Variants in SLC23A2 observed in about 807,000 individuals in gnomAD.
SLC23A2 encodes Na(+)/L-ascorbic acid transporter 2.
A neutral mutation model predicts 73.3 loss-of-function variants in SLC23A2; 36 were observed. The observed-to-expected ratio is 0.49, with a 90% CI of 0.38 to 0.65. The LOEUF (loss-of-function observed/expected upper bound fraction) is 0.65, where lower values mean the gene tolerates loss of function less well. SLC23A2 is among the 30% of genes least tolerant of loss of function. The pLI, the probability that SLC23A2 is intolerant of heterozygous loss-of-function variation, is 0.00. For missense variants in SLC23A2, 507 were observed against 841.6 expected (o/e 0.60, Z 4.92); for synonymous variants, 343 against 327.3 (o/e 1.05, Z -0.52).
In SLC23A2 at chr20:4,899,612, C is replaced by T. The variant is rs1243543328; in HGVS notation, c.425G>A (p.Gly142Glu). The stretch of plus-strand genomic sequence containing the variant: ...GATTCCCACACAGAAGAAAATGGTC[C>T]CAATGAGCTGGCTGGTGGCCCACTG... ...YDQWATSQLI[G>E]TIFFCVGITT... Residue 142 changes from glycine to glutamate, a missense_variant, in exon 6 of 17, where the codon GGG becomes GAG. Around this residue, in one of 5 missense-constraint regions of SLC23A2, gnomAD observed 217 missense variants for 398.0 expected, o/e 0.55. Transcript: ENST00000338244. This position sits in a 1 kb window ranked among gnomAD's most constrained non-coding sequence, Gnocchi z 4.9. 1 of 1,614,024 alleles carries T rather than the reference C, an allele frequency of 6.2e-7. No individual in the cohort carries two copies. The highest frequency in any genetic ancestry group is 8.5e-7 in the Non-Finnish European group (1 of 1,180,030).
intron 4 of SLC23A2, among the ~76,000 whole-genome samples, chr20:4,904,558 A>G (rs1255955292): frequency 6.6e-6 from 1 of 152,202 alleles, no homozygotes; most frequent in Non-Finnish European, 1.5e-5. Context: ...GAACTTCTGA[A>G]CTGAGGGCAC....
At chr20:4,882,670 G>A (rs998785384) in intron 9 of SLC23A2, among the ~76,000 whole-genome samples, 5 of 152,126 alleles carry the variant, frequency 3.3e-5, no homozygotes, top group African/African-American at 7.2e-5. Flanking sequence ...ATCACATTAC[G>A]TCGTGGTGCT....
intron 2 of SLC23A2, among the ~76,000 whole-genome samples, chr20:4,968,495 T>G (rs2087510287): frequency 6.6e-6 from 1 of 152,006 alleles, no homozygotes; most frequent in Non-Finnish European, 1.5e-5. Flanking sequence ...CAGGATAATC[T>G]CAAAATGGGG....
chr20:4,966,809 TACACAC>T (rs56931121), intron 2 of SLC23A2, among the ~76,000 whole-genome samples: 4,882 of 109,624 alleles, frequency 0.045, 138 homozygotes, highest in African/African-American at 0.089. Flanking sequence ...TTGATAGTTT[TACACAC>T]ACACACACAC....
rs552681730 is a variant in SLC23A2 at position 4,902,346 on chromosome 20, A to G, written c.324+96T>C. On this transcript the variant is annotated intron_variant, in intron 5 of 16. Transcript: ENST00000338244. This position sits in a 1 kb window ranked among gnomAD's most constrained non-coding sequence, Gnocchi z 4.0. ...AAAGAGGAATTTATAAAAGTCTTCA[A>G]TAAACAAAAACCAAAGTGGAATTTT... 99 of 721,330 alleles carry G rather than the reference A, an allele frequency of 1.4e-4. No homozygotes were observed. The African/African-American group carries it at 1.6e-3, about 12-fold the overall frequency. 44.7% of individuals were successfully genotyped at this position (721,330 alleles called of 1,614,324 possible). A position where few individuals can be genotyped will look rare whatever the true frequency, so the allele number is the denominator to read the frequency against.
chr20:4,859,429 G>T, intron 15 of SLC23A2, 45 bp from the exon 16 acceptor site: 2 of 1,307,708 alleles, frequency 1.5e-6, no homozygotes, highest in Non-Finnish European at 2.2e-6. Flanking sequence ...CACAGCAGCG[G>T]TGAGCCTGCC....
chr20:4,897,453 A>G (rs940318880), intron 6 of SLC23A2, among the ~76,000 whole-genome samples: 2 of 152,126 alleles, frequency 1.3e-5, no homozygotes, highest in Non-Finnish European at 2.9e-5. Flanking sequence ...CACAGCAAGA[A>G]AGGCTGCTTT....
intron 2 of SLC23A2, among the ~76,000 whole-genome samples, chr20:4,934,309 T>C (rs2086925749): frequency 6.6e-6 from 1 of 152,056 alleles, no homozygotes; most frequent in South Asian, 2.1e-4. Flanking sequence ...ATCTAGTAAA[T>C]AGAGGCCAGG....
At chr20:4,893,460 C>T (rs189701802) in intron 6 of SLC23A2, among the ~76,000 whole-genome samples, 16 of 152,286 alleles carry the variant, frequency 1.1e-4, no homozygotes, top group Non-Finnish European at 1.5e-5. Context: ...CTCCCTTGCC[C>T]CAATCTGATC....
At chr20:5,004,869 C>T (rs1361233948), upstream of SLC23A2, among the ~76,000 whole-genome samples, 1 of 151,872 alleles carries the variant, frequency 6.6e-6, no homozygotes, top group Non-Finnish European at 1.5e-5. Context: ...CATGGTGGCG[C>T]ATGCCTGTAA....
intron 11 of SLC23A2, 44 bp from the exon 12 acceptor site, chr20:4,870,097 G>T (rs752095811): frequency 6.6e-7 from 1 of 1,520,700 alleles, no homozygotes; most frequent in Admixed American, 2.0e-5. Flanking sequence ...AGAGGCAGGC[G>T]AAAGTGACCA....
At chr20:5,007,917 T>TC (rs2088208567) in intron 1 of SLC23A2, among the ~76,000 whole-genome samples, 1 of 152,074 alleles carries the variant, frequency 6.6e-6, no homozygotes, top group Non-Finnish European at 1.5e-5. Context: ...AATTAACTTT[T>TC]TTTTTTTTTG....
chr20:4,859,851 G>C (rs1243252421), intron 15 of SLC23A2, among the ~76,000 whole-genome samples: 1 of 152,098 alleles, frequency 6.6e-6, no homozygotes, highest in African/African-American at 2.4e-5. Flanking sequence ...TTTTAATCAG[G>C]GGCAACTGGA....
rs780803712 is a variant in SLC23A2, at chr20:4,869,932, T to C, written c.1224A>G (p.Pro408=). The change falls in exon 12 of 17, where the codon CCA becomes CCG. Residue 408 remains proline (P), a synonymous_variant. Transcript: ENST00000338244. Reference sequence around the variant, plus strand: ...TGTTTATTGCGTGGATGGGGGGGGGTGGGGCACAGGACAGCCGTGCACAGG... The same window carrying C: ...TGTTTATTGCGTGGATGGGGGGGGGCGGGGCACAGGACAGCCGTGCACAGG... ...YYACARLSCA[P]PPPIHAINRG... is the part of the protein sequence containing the mutation. 7.5e-7 allele frequency: 1 copy of C among 1,329,624 alleles called. No individual in the cohort carries two copies. The highest frequency in any genetic ancestry group is 2.7e-5 in the East Asian group (1 of 36,830). 82.4% of individuals were successfully genotyped at this position (1,329,624 alleles called of 1,614,324 possible). A position where few individuals can be genotyped will look rare whatever the true frequency, so the allele number is the denominator to read the frequency against.
chr20:4,986,021 C>T (rs190749715), intron 1 of SLC23A2, among the ~76,000 whole-genome samples: 1 of 152,314 alleles, frequency 6.6e-6, no homozygotes, highest in Admixed American at 6.5e-5. Context: ...GCCATGCCCA[C>T]AGAATCTCGT....
At chr20:4,967,893 A>G (rs1435176129) in intron 2 of SLC23A2, among the ~76,000 whole-genome samples, 1 of 152,234 alleles carries the variant, frequency 6.6e-6, no homozygotes, top group Non-Finnish European at 1.5e-5. Flanking sequence ...CAGGCACTCA[A>G]CAATCACCTG....
At chr20:4,870,193 T>C (rs1930388809) in intron 11 of SLC23A2, 140 bp from the exon 12 acceptor site, 2 of 723,438 alleles carry the variant, frequency 2.8e-6, no homozygotes, top group African/African-American at 3.6e-5. Context: ...CTGTTCATTT[T>C]AAAATCTTAA....
Position 4,946,455 on chromosome 20 carries a change from C to T in SLC23A2, c.-154-13739G>A, listed in dbSNP as rs187483233. Among the ~76,000 whole-genome samples, 3 of 152,318 alleles carry T rather than the reference C, an allele frequency of 2.0e-5. No homozygotes were observed. The East Asian group carries it at 5.8e-4, about 29-fold the overall frequency. ...ATAAACGTGGGAAATTTTCCTGAAA[C>T]ATCCATGGGGTGAGTTGGGTGGGGA... On this transcript the variant is annotated intron_variant, in intron 2 of 16. Coordinates refer to ENST00000338244, the MANE Select transcript of SLC23A2 (RefSeq NM_005116.6).
intron 6 of SLC23A2, among the ~76,000 whole-genome samples, chr20:4,895,115 CA>C (rs1271426504): frequency 6.6e-6 from 1 of 152,232 alleles, no homozygotes; most frequent in Admixed American, 6.5e-5. Flanking sequence ...ACAGGGGAAC[CA>C]CTTCGGAGCT....
Sources: gnomAD v4.1 joint callset for allele counts (sites outside exome capture counted in the v4.1 genomes callset) on GRCh38, gnomAD v4.1.1 for gene constraint, gnomAD v4.1.1 regional missense constraint, Gnocchi (gnomAD v3.1) non-coding constraint, MANE v1.5 for transcripts, NCBI Gene and HGNC (gene_info 2026-07-23, HGNC 2026-07-21) for gene names.